The following PPRC1 variants were observed in gnomAD, a reference collection of about 807,000 sequenced individuals.
PPRC1 encodes peroxisome proliferator-activated receptor gamma coactivator-related protein 1.
PPRC1 carries 23 observed loss-of-function variants against 132.5 expected under a neutral mutation model. That is an observed-to-expected ratio of 0.17 (90% confidence interval 0.12 to 0.25). The LOEUF (loss-of-function observed/expected upper bound fraction) is 0.25. PPRC1 is among the 10% of genes least tolerant of loss of function. The pLI, the probability that PPRC1 is intolerant of heterozygous loss-of-function variation, is 1.00. For missense variants in PPRC1, 2,006 were observed against 2,089.1 expected (o/e 0.96, Z 0.78); for synonymous variants, 872 against 833.5 (o/e 1.05, Z -0.80).
rs986427140 is a variant in PPRC1 at position 102,141,739 on chromosome 10, C to T, written c.3231C>T (p.Pro1077=). ...KHKVSALVQS[P]QMKALACVSA... Reference sequence around the variant, plus strand: ...AGGTGTCTGCCCTGGTGCAAAGTCCCCAGATGAAGGCTCTAGCATGTGTGT... The same window carrying T: ...AGGTGTCTGCCCTGGTGCAAAGTCCTCAGATGAAGGCTCTAGCATGTGTGT... Residue 1077 remains proline (P), a synonymous_variant, in exon 5 of 14, where the codon CCC becomes CCT. Coordinates refer to ENST00000278070, the MANE Select transcript of PPRC1 (RefSeq NM_015062.5). The T allele has an allele frequency of 7.4e-6, 12 of 1,613,822 alleles. No homozygotes were observed. Among genetic ancestry groups the T allele is most frequent in the Non-Finnish European group, 9.3e-6 (11 of 1,179,922 alleles).
the PPRC1 span, among the ~76,000 whole-genome samples, chr10:102,123,446 G>A: frequency 1.3e-5 from 2 of 152,166 alleles, no homozygotes; most frequent in Non-Finnish European, 1.5e-5. Flanking sequence ...TGGAGGCTTA[G>A]CTGATTTGTA....
rs750357868 is a variant in PPRC1 at position 102,138,693 on chromosome 10, T to A, written c.417T>A (p.Asp139Glu). The A allele has an allele frequency of 6.2e-6, 10 of 1,614,058 alleles. No homozygotes were observed. In the South Asian group the frequency reaches 6.6e-5, roughly 11 times the overall value. ...TGACGGAGATCTTGGACAATGCAGA[T>A]TCTGAGAACCTTTCTCCATTTGACA... is the stretch of plus-strand genomic sequence containing the variant. ...TALTEILDNADSENLSPFDSI... is the reference protein window; with the variant it reads ...TALTEILDNAESENLSPFDSI... The change falls in exon 3 of 14, where the codon GAT (aspartate) becomes GAA (glutamate). Residue 139 changes from aspartate to glutamate, a missense_variant. Around this residue, in one of 2 missense-constraint regions of PPRC1, gnomAD observed 1,914 missense variants for 1,917.2 expected, o/e 1.00. Coordinates refer to ENST00000278070, the MANE Select transcript of PPRC1 (RefSeq NM_015062.5).
At chr10:102,132,893 C>A, upstream of PPRC1, 1 of 961,964 alleles carries the variant, frequency 1.0e-6, no homozygotes, top group Non-Finnish European at 1.3e-6. Flanking sequence ...CTACTACTCC[C>A]AGGAACCTTC....
At chr10:102,143,276 G>C (rs2069076266) in intron 6 of PPRC1, among the ~76,000 whole-genome samples, 178 bp downstream of exon 6, 1 of 152,096 alleles carries the variant, frequency 6.6e-6, no homozygotes, top group South Asian at 2.1e-4. Context: ...AGGGACGGCA[G>C]TGATACAGTA....
At chr10:102,138,344 C>T (rs975492614) in intron 2 of PPRC1, among the ~76,000 whole-genome samples, 5 of 152,098 alleles carry the variant, frequency 3.3e-5, no homozygotes, top group African/African-American at 4.8e-5. Flanking sequence ...CTAGCCTAGC[C>T]GATGGTTGTC....
At chr10:102,149,602 C>T (rs987220169) in intron 13 of PPRC1, among the ~76,000 whole-genome samples, 7 of 151,962 alleles carry the variant, frequency 4.6e-5, no homozygotes, top group Admixed American at 3.3e-4. Context: ...GGTGGTGGCA[C>T]GCACCTGTAA....
chr10:102,145,760 G>A (rs1374346308), intron 8 of PPRC1, among the ~76,000 whole-genome samples: 2 of 152,108 alleles, frequency 1.3e-5, no homozygotes, highest in Non-Finnish European at 2.9e-5. Flanking sequence ...AGCTACTTGG[G>A]AGGCTGAGGC....
At chr10:102,131,388 C>CAAA (rs1319964199), upstream of PPRC1, among the ~76,000 whole-genome samples, 1 of 97,600 alleles carries the variant, frequency 1.0e-5, no homozygotes, top group Non-Finnish European at 2.2e-5. Flanking sequence ...TATTGTCTAA[C>CAAA]AAAAAAAAAA....
upstream of PPRC1, among the ~76,000 whole-genome samples, chr10:102,129,129 C>T (rs373221686): frequency 3.0e-4 from 45 of 151,250 alleles, no homozygotes; most frequent in East Asian, 4.9e-3. Flanking sequence ...GACGGGGTTT[C>T]ACTGTGTTAG....
rs1320420976 is a variant in PPRC1, at chr10:102,141,715, G to C, written c.3207G>C (p.Lys1069Asn). 6 of 1,613,854 alleles carry C rather than the reference G, an allele frequency of 3.7e-6. No individual in the cohort carries two copies. Among genetic ancestry groups the C allele is most frequent in the Non-Finnish European group, 5.1e-6 (6 of 1,179,930 alleles). ...PVPASPHPKHKVSALVQSPQM... is the reference protein window; with the variant it reads ...PVPASPHPKHNVSALVQSPQM... ...CTGCATCTCCCCATCCGAAACACAA[G>C]GTGTCTGCCCTGGTGCAAAGTCCCC... Residue 1069 changes from lysine to asparagine, a missense_variant, in exon 5 of 14, where the codon AAG becomes AAC. Transcript: ENST00000278070.
chr10:102,137,817 C>T (rs754610407), intron 1 of PPRC1, 33 bp from the exon 2 acceptor site: 15 of 1,600,912 alleles, frequency 9.4e-6, no homozygotes, highest in Non-Finnish European at 1.2e-5. Flanking sequence ...TGCCAGAGAG[C>T]TCATACCCTT....
chr10:102,139,030 G>A (rs772827671), intron 4 of PPRC1, 50 bp downstream of exon 4: 2 of 1,602,220 alleles, frequency 1.2e-6, no homozygotes, highest in South Asian at 2.2e-5. Flanking sequence ...GAGGAGGAGT[G>A]TGTGGGGACA....
At chr10:102,132,220 G>A (rs2068556418), upstream of PPRC1, among the ~76,000 whole-genome samples, 3 of 152,138 alleles carry the variant, frequency 2.0e-5, no homozygotes, top group South Asian at 6.2e-4. Flanking sequence ...AAACAGTCTT[G>A]TACTTTTTGA....
Position 102,144,312 on chromosome 10 carries a change from G to A in PPRC1, c.3608+5G>A. ...CTTGGCTGTAGGAAACTCAGGGTAAGTATGGAGACATGAGCGAGTTACCCT... is the reference window on the plus strand; with the variant it reads ...CTTGGCTGTAGGAAACTCAGGGTAAATATGGAGACATGAGCGAGTTACCCT... On this transcript the variant is annotated splice_donor_5th_base_variant and intron_variant, in intron 7 of 13. Transcript: ENST00000278070. 1.2e-6 allele frequency: 2 copies of A among 1,613,592 alleles called. No homozygotes were observed. The highest frequency in any genetic ancestry group is 1.7e-6 in the Non-Finnish European group (2 of 1,179,822).
upstream of PPRC1, among the ~76,000 whole-genome samples, chr10:102,128,145 C>CT (rs879722797): frequency 4.0e-3 from 569 of 143,866 alleles, 2 homozygotes; most frequent in South Asian, 0.035. Context: ...GCTGCTGCTG[C>CT]TTTTTTTTTT....
chr10:102,140,046 G>T lies in PPRC1; in HGVS notation c.1538G>T (p.Gly513Val). The change falls in exon 5 of 14, where the codon GGG becomes GTG. Residue 513 changes from glycine to valine, a missense_variant. Physicochemically the swap from Gly to Val is moderately radical, Grantham distance 109. Transcript: ENST00000278070. ...CAGGAAGAACTTCAAAAAGAGTCTG[G>T]GCCTCTCCAGGGTAAGGGGAAGCCC... ...QPQEELQKES[G>V]PLQGKGKPRA... 1 of 1,614,194 alleles carries T rather than the reference G, an allele frequency of 6.2e-7. No individual in the cohort carries two copies. Among genetic ancestry groups the T allele is most frequent in the Admixed American group, 1.7e-5 (1 of 60,018 alleles).
the PPRC1 span, chr10:102,120,222 CCGGCCCGGCCCGGCCT>C: frequency 1.0e-6 from 1 of 984,762 alleles, no homozygotes; most frequent in Non-Finnish European, 1.2e-6. Context: ...GCGCTCGCCG[CCGGCCCGGCCCGGCCT>C]CGGCCCGGTG....
Position 102,139,882 on chromosome 10 carries a change from G to A in PPRC1, c.1374G>A (p.Lys458=), listed in dbSNP as rs775207745. The A allele has an allele frequency of 8.1e-6, 13 of 1,614,212 alleles. No homozygotes were observed. In the Admixed American group the frequency reaches 2.0e-4, roughly 25 times the overall value. The change falls in exon 5 of 14, where the codon AAG becomes AAA. Residue 458 remains lysine, a synonymous_variant. Transcript: ENST00000278070. Reference sequence around the variant, plus strand: ...CACCAGGTTCCCAGAGAGCTCGAAAGGGCAGGAAGAAGAAGAGCAAGGAGC... The same window carrying A: ...CACCAGGTTCCCAGAGAGCTCGAAAAGGCAGGAAGAAGAAGAGCAAGGAGC... ...NAAPGSQRAR[K]GRKKKSKEQP... is the part of the protein sequence containing the mutation.
chr10:102,147,533 C>T (rs913571114), intron 9 of PPRC1, 141 bp downstream of exon 9: 12 of 1,225,560 alleles, frequency 9.8e-6, no homozygotes, highest in Non-Finnish European at 1.3e-5. Context: ...TTTGTGTTTT[C>T]CCTTTTCCTG....
Sources: allele counts gnomAD v4.1 joint callset (sites outside exome capture counted in the v4.1 genomes callset), GRCh38; gene constraint gnomAD v4.1.1; regional missense constraint gnomAD v4.1.1; transcripts MANE v1.5; gene names NCBI Gene and HGNC (gene_info 2026-07-23, HGNC 2026-07-21).